The following SLC22A11 variants were observed in gnomAD, a reference collection of about 807,000 sequenced individuals.
The protein encoded by SLC22A11 is solute carrier family 22 member 11.
SLC22A11 carries 42 observed loss-of-function variants against 49.4 expected under a neutral mutation model. That is an observed-to-expected ratio of 0.85 (90% CI 0.66 to 1.10). The LOEUF (loss-of-function observed/expected upper bound fraction) is 1.10. Ranked by LOEUF, SLC22A11 falls within the 50% of genes least tolerant of loss-of-function variation. The pLI is 0.00. For missense variants in SLC22A11, 685 were observed against 731.6 expected, an observed-to-expected ratio of 0.94 and a Z score of 0.74; for synonymous variants, 304 against 315.8, an observed-to-expected ratio of 0.96 and a Z score of 0.40.
chr11:64,567,516 C>T lies in SLC22A11; in HGVS notation c.1059-83C>T, dbSNP rs1405354608. 1.4e-5 allele frequency: 19 copies of T among 1,327,254 alleles called. No homozygotes were observed. The East Asian group carries it at 4.4e-4, about 31-fold the overall frequency. 82.2% of individuals were successfully genotyped at this position (1,327,254 alleles called of 1,614,324 possible). ...CCGGGGTTGGCCATGTCCTCCCAGG[C>T]AGCTCCTGGTGGGAGGTGCTGTTGC... On this transcript the variant is annotated intron_variant, in intron 6 of 9. Coordinates refer to ENST00000301891, the MANE Select transcript of SLC22A11 (RefSeq NM_018484.4).
chr11:64,560,557 G>A (rs1486707992), intron 2 of SLC22A11, among the ~76,000 whole-genome samples: 1 of 152,158 alleles, frequency 6.6e-6, no homozygotes, highest in Non-Finnish European at 1.5e-5. Context: ...GTGCCCACAC[G>A]CAGGCCGCAA....
chr11:64,559,489 G>A lies in SLC22A11; in HGVS notation c.497+251G>A, dbSNP rs538491704. Among the ~76,000 whole-genome samples the A allele has an allele frequency of 1.1e-4, 15 of 139,034 alleles. No individual in the cohort carries two copies. In the South Asian group the frequency reaches 1.4e-3, roughly 13 times the overall value. The allele number at this position is 139,034 out of a possible 152,430, so 91.2% of individuals were successfully genotyped here. On this transcript the variant is annotated intron_variant, in intron 2 of 9. Coordinates refer to ENST00000301891, the MANE Select transcript of SLC22A11 (RefSeq NM_018484.4). ...AGGCCACCCCAGGCCATCCCCCACC[G>A]CCCCCATTTCCTCTCCCATACTCCT... is the stretch of plus-strand genomic sequence containing the variant.
intron 9 of SLC22A11, 91 bp downstream of exon 9, chr11:64,569,949 G>A (rs2038682840): frequency 6.9e-6 from 8 of 1,159,264 alleles, no homozygotes; most frequent in Middle Eastern, 2.1e-4. Flanking sequence ...AAAGGCTCAA[G>A]AGTACCAAGG....
At chr11:64,570,788 CTTTAA>C (rs2038693308) in intron 9 of SLC22A11, among the ~76,000 whole-genome samples, 186 bp from the exon 10 acceptor site, 1 of 152,164 alleles carries the variant, frequency 6.6e-6, no homozygotes, top group Non-Finnish European at 1.5e-5. Context: ...TTCATTTTTT[CTTTAA>C]TTTAATTGAT....
Position 64,556,125 on chromosome 11 carries a change from C to T in SLC22A11, c.126C>T (p.Ala42=), listed in dbSNP as rs371200741. The T allele has an allele frequency of 2.0e-5, 32 of 1,614,062 alleles. 1 individual carries two copies. The highest frequency in any genetic ancestry group is 7.7e-5 in the South Asian group (7 of 91,088). Residue 42 remains alanine (A), a synonymous_variant, in exon 1 of 10, where the codon GCC becomes GCT. Coordinates refer to ENST00000301891, the MANE Select transcript of SLC22A11 (RefSeq NM_018484.4). The part of the protein sequence containing the change: ...PSQMLLENFS[A]AIPGHRCWTH... The stretch of plus-strand genomic sequence containing the variant: ...AGATGCTCCTGGAGAACTTCTCAGC[C>T]GCCATCCCAGGCCACCGATGCTGGA...
At chr11:64,558,486 G>A (rs1344381615) in intron 1 of SLC22A11, among the ~76,000 whole-genome samples, 1 of 152,176 alleles carries the variant, frequency 6.6e-6, no homozygotes, top group African/African-American at 2.4e-5. Context: ...TTCAGGCAAT[G>A]GATGACTGGT....
In SLC22A11 at chr11:64,572,101, T is replaced by C. The variant is rs2038712666; in HGVS notation, c.*1059T>C. On this transcript the variant is annotated 3_prime_UTR_variant, in exon 10 of 10. Transcript: ENST00000301891. Reference sequence around the variant, plus strand: ...CACAGGCAGGCCTGCCAAGGCCTTCTGGCTTTGCCAGATGTCAAGGGCAGC... The same window carrying C: ...CACAGGCAGGCCTGCCAAGGCCTTCCGGCTTTGCCAGATGTCAAGGGCAGC... 1 of 152,302 alleles carries C rather than the reference T, an allele frequency of 6.6e-6. No individual in the cohort carries two copies. Among genetic ancestry groups the C allele is most frequent in the Non-Finnish European group, 1.5e-5 (1 of 68,084 alleles). The allele number at this position is 152,302 out of a possible 1,614,324, so 9.4% of individuals were successfully genotyped here. A position where few individuals can be genotyped will look rare whatever the true frequency, so the allele number is the denominator to read the frequency against.
At chr11:64,561,125 G>A (rs150908603) in intron 2 of SLC22A11, among the ~76,000 whole-genome samples, 19 of 152,320 alleles carry the variant, frequency 1.2e-4, no homozygotes, top group Middle Eastern at 6.8e-3. Context: ...TGCAATCTCC[G>A]GTTCAGACTC....
intron 1 of SLC22A11, among the ~76,000 whole-genome samples, chr11:64,558,632 T>G (rs549605182): frequency 6.6e-6 from 1 of 152,290 alleles, no homozygotes; most frequent in South Asian, 2.1e-4. Context: ...GCCGAGGCAG[T>G]GGCTCTGCCA....
Position 64,556,171 on chromosome 11 carries a change from T to G in SLC22A11, c.172T>G (p.Ser58Ala). ...RCWTHMLDNGSAVSTNMTPKA... is the reference protein window; with the variant it reads ...RCWTHMLDNGAAVSTNMTPKA... The stretch of plus-strand genomic sequence containing the variant: ...CTGGACACACATGCTGGACAATGGC[T>G]CTGCGGTTTCCACAAACATGACCCC... Residue 58 changes from serine (S) to alanine (A), a missense_variant, in exon 1 of 10, where the codon TCT (serine) becomes GCT (alanine). By Grantham distance (99) the Ser-to-Ala change is moderately conservative (BLOSUM62 1). Coordinates refer to ENST00000301891, the MANE Select transcript of SLC22A11 (RefSeq NM_018484.4). 1 of 1,614,134 alleles carries G rather than the reference T, an allele frequency of 6.2e-7. No homozygotes were observed. Among genetic ancestry groups the G allele is most frequent in the Non-Finnish European group, 8.5e-7 (1 of 1,180,016 alleles).
Position 64,556,121 on chromosome 11 carries a change from C to T in SLC22A11, c.122C>T (p.Ser41Leu). 6.2e-7 allele frequency: 1 copy of T among 1,614,200 alleles called. No homozygotes were observed. Among genetic ancestry groups the T allele is most frequent in the South Asian group, 1.1e-5 (1 of 91,086 alleles). The change falls in exon 1 of 10, where the codon TCA becomes TTA. Residue 41 changes from serine to leucine, a missense_variant. By Grantham distance (145) the Ser-to-Leu change is moderately radical. Transcript: ENST00000301891. Reference sequence around the variant, plus strand: ...TCCCAGATGCTCCTGGAGAACTTCTCAGCCGCCATCCCAGGCCACCGATGC... The same window carrying T: ...TCCCAGATGCTCCTGGAGAACTTCTTAGCCGCCATCCCAGGCCACCGATGC... ...IPSQMLLENF[S>L]AAIPGHRCWT...
Position 64,567,705 on chromosome 11 carries a change from C to G in SLC22A11, c.1165C>G (p.Arg389Gly), listed in dbSNP as rs894093116. Reference sequence around the variant, plus strand: ...CTTCGGGGCCGTGGACTTCCTGGGCCGGGCCACCACTGCCCTCTTGCTCAG... The same window carrying G: ...CTTCGGGGCCGTGGACTTCCTGGGCGGGGCCACCACTGCCCTCTTGCTCAG... ...ALFGAVDFLG[R>G]ATTALLLSFL... is the part of the protein sequence containing the mutation. Residue 389 changes from arginine (R) to glycine (G), a missense_variant, in exon 7 of 10, where the codon CGG (arginine) becomes GGG (glycine). Physicochemically the swap from Arg to Gly is moderately radical, Grantham distance 125. Transcript: ENST00000301891. The G allele has an allele frequency of 6.2e-7, 1 of 1,613,814 alleles. No individual in the cohort carries two copies. Among genetic ancestry groups the G allele is most frequent in the African/African-American group, 1.3e-5 (1 of 74,940 alleles).
chr11:64,570,442 C>T (rs2038687944), intron 9 of SLC22A11, among the ~76,000 whole-genome samples: 1 of 152,184 alleles, frequency 6.6e-6, no homozygotes, highest in Admixed American at 6.5e-5. Context: ...AAAAAACAAA[C>T]AAAACCCAGC....
chr11:64,560,482 C>G (rs143478091), intron 2 of SLC22A11, among the ~76,000 whole-genome samples: 1 of 152,218 alleles, frequency 6.6e-6, no homozygotes, highest in Non-Finnish European at 1.5e-5. Context: ...CCTGGGGCCC[C>G]CTGCACGCCT....
rs114529106 is a variant in SLC22A11, at chr11:64,570,155, G to A, written c.1589+297G>A. Among the ~76,000 whole-genome samples the A allele has an allele frequency of 7.4e-3, 1,134 of 152,348 alleles. 20 individuals are homozygous for A. The highest frequency in any genetic ancestry group is 0.025 in the African/African-American group (1,048 of 41,580). ...TGGCAGCCAGGTTGCCTGGGCCCAC[G>A]TTCCCCACCTGCCTGGGCAAGTGAC... On this transcript the variant is annotated intron_variant, in intron 9 of 9. Transcript: ENST00000301891.
In SLC22A11 at chr11:64,568,675, C is replaced by T. The variant is rs180771120; in HGVS notation, c.1279C>T (p.Gln427Ter). 1 of 1,613,970 alleles carries T rather than the reference C, an allele frequency of 6.2e-7. No homozygotes were observed. Among genetic ancestry groups the T allele is most frequent in the Middle Eastern group, 1.7e-4 (1 of 6,060 alleles). ...CACCCCCTTCCTGTACCCAGATTTGCAGACCCTGCGTGTGGTCTTTGCTGT... is the reference window on the plus strand; with the variant it reads ...CACCCCCTTCCTGTACCCAGATTTGTAGACCCTGCGTGTGGTCTTTGCTGT... ...LANMLVPQDL[Q>*]TLRVVFAVLG... Residue 427 changes from glutamine to a stop codon, truncating the protein, a stop_gained, in exon 8 of 10, where the codon CAG (glutamine) becomes TAG (stop). Coordinates refer to ENST00000301891, the MANE Select transcript of SLC22A11 (RefSeq NM_018484.4). LOFTEE classifies it high-confidence loss of function.
At position 64,556,361 on chromosome 11, in the gene SLC22A11, G is replaced by T. The variant is rs200647534; in HGVS notation, c.362G>T (p.Arg121Leu). The change falls in exon 1 of 10, where the codon CGC becomes CTC. Residue 121 changes from arginine (R) to leucine (L), a missense_variant. Transcript: ENST00000301891. ...EPCVDGWVYD[R>L]SVFTSTIVAK... Reference sequence around the variant, plus strand: ...TGTGTGGACGGCTGGGTCTATGACCGCAGCGTCTTCACCTCCACCATCGTG... The same window carrying T: ...TGTGTGGACGGCTGGGTCTATGACCTCAGCGTCTTCACCTCCACCATCGTG... The T allele has an allele frequency of 3.7e-5, 60 of 1,611,968 alleles. No homozygotes were observed. The highest frequency in any genetic ancestry group is 4.8e-5 in the Non-Finnish European group (57 of 1,180,012).
At position 64,562,305 on chromosome 11, in the gene SLC22A11, A is replaced by G; in HGVS notation, c.691A>G (p.Met231Val). 1 of 1,610,274 alleles carries G rather than the reference A, an allele frequency of 6.2e-7. No individual in the cohort carries two copies. Among genetic ancestry groups the G allele is most frequent in the Non-Finnish European group, 8.5e-7 (1 of 1,177,972 alleles). The change falls in exon 4 of 10, where the codon ATG becomes GTG. Residue 231 changes from methionine (M) to valine (V), a missense_variant. Coordinates refer to ENST00000301891, the MANE Select transcript of SLC22A11 (RefSeq NM_018484.4). This position sits in a 1 kb window ranked among gnomAD's most constrained non-coding sequence, Gnocchi z 4.4. ...WTTTSRRAVT[M>V]TVVGCAFSAG... ...CACGACCAGCAGGAGGGCGGTCACC[A>G]TGACGGTGGTGGGATGTGCCTTCAG... is the stretch of plus-strand genomic sequence containing the variant.
intron 4 of SLC22A11, among the ~76,000 whole-genome samples, chr11:64,563,059 G>T (rs978321216): frequency 6.6e-6 from 1 of 152,188 alleles, no homozygotes; most frequent in African/African-American, 2.4e-5. Context: ...CACTGAGGAA[G>T]GAGACACAGA....
Sources: gnomAD v4.1 joint callset for allele counts (sites outside exome capture counted in the v4.1 genomes callset) on GRCh38, gnomAD v4.1.1 for gene constraint, Gnocchi (gnomAD v3.1) non-coding constraint, MANE v1.5 for transcripts, NCBI Gene and HGNC (gene_info 2026-07-23, HGNC 2026-07-21) for gene names.